Variants in RPS6KB1 observed in about 807,000 individuals in gnomAD.
The protein encoded by RPS6KB1 is ribosomal protein S6 kinase B1.
In RPS6KB1, 12 loss-of-function variants were observed where a neutral mutation model predicts 70.2. The ratio of observed to expected loss-of-function variants is 0.17; its 90% CI spans 0.11 to 0.28. The LOEUF is 0.28. Ranked by LOEUF, RPS6KB1 falls within the 10% of genes least tolerant of loss-of-function variation. RPS6KB1 has a pLI of 1.00. For missense variants in RPS6KB1, 270 were observed against 646.6 expected (o/e 0.42, Z 6.32); for synonymous variants, 175 against 211.2 (o/e 0.83, Z 1.49).
rs2045151249 is a variant in RPS6KB1, at chr17:59,950,460, T to C, written c.*3672T>C. 6.6e-6 allele frequency: 1 copy of C among 152,354 alleles called. No homozygotes were observed. Among genetic ancestry groups the C allele is most frequent in the Admixed American group, 6.6e-5 (1 of 15,232 alleles). 9.4% of individuals were successfully genotyped at this position (152,354 alleles called of 1,614,324 possible). A position where few individuals can be genotyped will look rare whatever the true frequency, so the allele number is the denominator to read the frequency against. ...ATTTATTTTTTTATTATCTTAAAGA[T>C]AGGAAGGAATTAGTATACGTATCAG... is the stretch of plus-strand genomic sequence containing the variant. On this transcript the variant is annotated 3_prime_UTR_variant, in exon 15 of 15. Coordinates refer to ENST00000225577, the MANE Select transcript of RPS6KB1 (RefSeq NM_003161.4).
chr17:59,904,588 T>C (rs1354953771), intron 1 of RPS6KB1, among the ~76,000 whole-genome samples: 1 of 151,488 alleles, frequency 6.6e-6, no homozygotes, highest in African/African-American at 2.4e-5. Context: ...GAGATTGGGT[T>C]TTGCCATGTT....
chr17:59,896,917 A>G (rs76387520), intron 1 of RPS6KB1, among the ~76,000 whole-genome samples: 1 of 140,346 alleles, frequency 7.1e-6, no homozygotes, highest in African/African-American at 2.8e-5. Context: ...ACCCTGAAAT[A>G]AAAAAAAAAA....
intron 4 of RPS6KB1, among the ~76,000 whole-genome samples, chr17:59,918,483 C>T (rs917542665): frequency 2.0e-5 from 3 of 152,026 alleles, no homozygotes; most frequent in Non-Finnish European, 2.9e-5. Context: ...GATTCTCCTG[C>T]CTCAGCCTCC....
intron 1 of RPS6KB1, among the ~76,000 whole-genome samples, chr17:59,900,171 A>ACACAC (rs2041825803): frequency 2.2e-4 from 23 of 102,494 alleles, no homozygotes; most frequent in African/African-American, 7.3e-4. Flanking sequence ...CTAATTGCTA[A>ACACAC]ACACACACAC....
At chr17:59,936,638 G>A in intron 12 of RPS6KB1, 97 bp downstream of exon 12, 1 of 969,192 alleles carries the variant, frequency 1.0e-6, no homozygotes, top group Non-Finnish European at 1.7e-6. Context: ...TTGAGGCCAG[G>A]AGTTCAAGAC....
In RPS6KB1 at chr17:59,917,146, T is replaced by TG. The variant is rs2043004218; in HGVS notation, c.381+2443_381+2444insG. 2.0e-5 allele frequency among the ~76,000 whole-genome samples: 3 copies of TG among 152,086 alleles called. No individual in the cohort carries two copies. In the South Asian group the frequency reaches 6.2e-4, roughly 32 times the overall value. ...TATTTAGTTAGTTTTTGAGATAGGG[T>TG]CTCGCCCTGTCACCTAGACAGGAGT... On this transcript the variant is annotated intron_variant, in intron 4 of 14. Coordinates refer to ENST00000225577, the MANE Select transcript of RPS6KB1 (RefSeq NM_003161.4).
In RPS6KB1 at chr17:59,931,655, G is replaced by A; in HGVS notation, c.621G>A (p.Gly207=). 4 of 1,613,408 alleles carry A rather than the reference G, an allele frequency of 2.5e-6. No homozygotes were observed. The highest frequency in any genetic ancestry group is 1.7e-5 in the Admixed American group (1 of 59,994). The part of the protein sequence containing the change: ...FYLAEISMAL[G]HLHQKGIIYR... ...TGGCAGAAATCTCCATGGCTTTGGG[G>A]CATTTACATCAAAAGGGGATCATCT... The change falls in exon 7 of 15, where the codon GGG becomes GGA. Residue 207 remains glycine, a synonymous_variant. Transcript: ENST00000225577.
At chr17:59,941,821 A>G (rs1170799095) in intron 13 of RPS6KB1, among the ~76,000 whole-genome samples, 1 of 137,332 alleles carries the variant, frequency 7.3e-6, no homozygotes, top group African/African-American at 2.8e-5. Context: ...TTTAGTAGAG[A>G]CAGGGTTTCA....
intron 1 of RPS6KB1, among the ~76,000 whole-genome samples, chr17:59,905,146 T>C (rs531001360): frequency 2.6e-4 from 40 of 152,064 alleles, no homozygotes; most frequent in African/African-American, 8.7e-4. Context: ...TCCTCCTGAG[T>C]AGCTGGGACT....
At chr17:59,914,742 AT>A in intron 4 of RPS6KB1, 39 bp downstream of exon 4, 1 of 1,352,950 alleles carries the variant, frequency 7.4e-7, no homozygotes, top group Non-Finnish European at 1.0e-6. Context: ...CACACACCAT[AT>A]TTTTACACTT....
chr17:59,920,013 T>G (rs1246288591), intron 4 of RPS6KB1, among the ~76,000 whole-genome samples: 1 of 152,184 alleles, frequency 6.6e-6, no homozygotes, highest in Non-Finnish European at 1.5e-5. Flanking sequence ...ATTCCACATG[T>G]CTTCTAGTTT....
chr17:59,936,087 A>G, intron 10 of RPS6KB1, 128 bp from the exon 11 acceptor site: 1 of 785,220 alleles, frequency 1.3e-6, no homozygotes, highest in Admixed American at 3.0e-5. Context: ...GATTACAGGC[A>G]TGAGCCACTG....
chr17:59,918,871 G>A (rs1348645591), intron 4 of RPS6KB1, among the ~76,000 whole-genome samples: 5 of 132,386 alleles, frequency 3.8e-5, no homozygotes, highest in South Asian at 2.3e-4. Context: ...TTGCTCTGTC[G>A]TCTAGGCTGG....
chr17:59,939,284 A>G (rs1448016364), intron 12 of RPS6KB1, among the ~76,000 whole-genome samples: 1 of 151,538 alleles, frequency 6.6e-6, no homozygotes, highest in East Asian at 1.9e-4. Context: ...ATTTTTATTT[A>G]TTCATTTATT....
intron 1 of RPS6KB1, among the ~76,000 whole-genome samples, chr17:59,909,350 T>C (rs62081836): frequency 1 from 147,628 of 147,628 alleles, 73,814 homozygotes; most frequent in Non-Finnish European, 1. Context: ...TCACCGCAAC[T>C]TCTGCCTTCT....
chr17:59,902,018 A>G (rs995657664), intron 1 of RPS6KB1, among the ~76,000 whole-genome samples: 2 of 151,374 alleles, frequency 1.3e-5, no homozygotes, highest in African/African-American at 4.8e-5. Context: ...TCTCTAAAAA[A>G]AAAAAAAAAA....
At chr17:59,942,805 C>A (rs1371252801) in intron 13 of RPS6KB1, among the ~76,000 whole-genome samples, 1 of 151,878 alleles carries the variant, frequency 6.6e-6, no homozygotes, top group Non-Finnish European at 1.5e-5. Context: ...CATGGTGAAA[C>A]CCCATCTCTA....
At chr17:59,925,771 C>CT (rs1046513927) in intron 4 of RPS6KB1, among the ~76,000 whole-genome samples, 29 of 152,086 alleles carry the variant, frequency 1.9e-4, no homozygotes, top group Middle Eastern at 3.4e-3. Context: ...ACTGGAATGC[C>CT]TTTTTTTTAC....
At chr17:59,924,199 G>T (rs1365572407) in intron 4 of RPS6KB1, among the ~76,000 whole-genome samples, 1 of 152,008 alleles carries the variant, frequency 6.6e-6, no homozygotes, top group Non-Finnish European at 1.5e-5. Context: ...TGTGGTGGCA[G>T]GTGCCTGTAG....
Sources: gnomAD v4.1 joint callset for allele counts (sites outside exome capture counted in the v4.1 genomes callset) on GRCh38, gnomAD v4.1.1 for gene constraint, MANE v1.5 for transcripts, NCBI Gene and HGNC (gene_info 2026-07-23, HGNC 2026-07-21) for gene names.